Variants in SLC9A8 observed in about 807,000 individuals in gnomAD.
The protein encoded by SLC9A8 is solute carrier family 9 member A8, also known as sodium/hydrogen exchanger 8.
A neutral mutation model predicts 66.6 loss-of-function variants in SLC9A8; 48 were observed. The ratio of observed to expected loss-of-function variants is 0.72; its 90% CI spans 0.57 to 0.92. The LOEUF (loss-of-function observed/expected upper bound fraction) is 0.92. SLC9A8 is among the 40% of genes least tolerant of loss of function. The pLI is 0.00. For synonymous variants in SLC9A8, 274 were observed against 282.6 expected (o/e 0.97, Z 0.31); for missense variants, 599 against 747.3 (o/e 0.80, Z 2.31).
At chr20:49,831,400 ACACTCT>A (rs1179944210) in intron 3 of SLC9A8, among the ~76,000 whole-genome samples, 37 of 139,832 alleles carry the variant, frequency 2.6e-4, no homozygotes, top group Non-Finnish European at 5.0e-4. Context: ...AAACACACAC[ACACTCT>A]CTCTCTCTCT....
At chr20:49,812,982 C>A in intron 1 of SLC9A8, 34 bp downstream of exon 1, 1 of 1,376,760 alleles carries the variant, frequency 7.3e-7, no homozygotes, top group South Asian at 1.6e-5. Context: ...GCGGAGGCGG[C>A]GGGGCTGGGC....
At chr20:49,869,449 C>T (rs2089111750) in intron 10 of SLC9A8, among the ~76,000 whole-genome samples, 1 of 151,690 alleles carries the variant, frequency 6.6e-6, no homozygotes, top group Non-Finnish European at 1.5e-5. Context: ...ATCTTGAACT[C>T]CTGACCTCGT....
chr20:49,866,616 G>C (rs1331592879), intron 10 of SLC9A8, among the ~76,000 whole-genome samples: 1 of 152,106 alleles, frequency 6.6e-6, no homozygotes, highest in African/African-American at 2.4e-5. Flanking sequence ...TTCGCCTTGG[G>C]TTCATTGAGT....
intron 5 of SLC9A8, among the ~76,000 whole-genome samples, chr20:49,846,901 T>A (rs1568832889): frequency 6.6e-6 from 1 of 152,118 alleles, no homozygotes; most frequent in Non-Finnish European, 1.5e-5. Context: ...CCAGCCTGAG[T>A]GATAGAGGGA....
chr20:49,863,138 T>TTTCG, intron 9 of SLC9A8, 71 bp downstream of exon 9: 1 of 1,402,308 alleles, frequency 7.1e-7, no homozygotes, highest in Non-Finnish European at 9.6e-7. Context: ...AGCCAGTTTC[T>TTTCG]CCTGTTTTTT....
intron 2 of SLC9A8, among the ~76,000 whole-genome samples, chr20:49,822,138 G>A (rs898707701): frequency 1.3e-5 from 2 of 152,200 alleles, no homozygotes; most frequent in African/African-American, 2.4e-5. Flanking sequence ...TGGCTCATGG[G>A]AAGTCCTCAG....
intron 1 of SLC9A8, among the ~76,000 whole-genome samples, chr20:49,814,487 G>A (rs1385697302): frequency 1.3e-5 from 2 of 152,164 alleles, no homozygotes; most frequent in East Asian, 1.9e-4. Context: ...GGGTAAATTC[G>A]GGTGTGGTAA....
At position 49,887,919 on chromosome 20, in the gene SLC9A8, G is replaced by A. The variant is rs368727852; in HGVS notation, c.1729G>A (p.Glu577Lys). The part of the protein sequence containing the change: ...RQGPSGSEDD[E>K]QELL ...GGGCCCCTCCGGCTCCGAGGACGAC[G>A]AGCAGGAGCTGCTCTGACGCCAGGT... Residue 577 changes from glutamate to lysine, a missense_variant, in exon 16 of 16, where the codon GAG (glutamate) becomes AAG (lysine). This residue lies in a region of SLC9A8 where 467 missense variants were observed against 626.5 expected (regional missense o/e 0.75). Coordinates refer to ENST00000361573, the MANE Select transcript of SLC9A8 (RefSeq NM_015266.3). The A allele has an allele frequency of 1.9e-6, 3 of 1,613,594 alleles. No homozygotes were observed. Among genetic ancestry groups the A allele is most frequent in the African/African-American group, 1.3e-5 (1 of 75,066 alleles).
At chr20:49,870,910 G>A (rs2089185677) in intron 10 of SLC9A8, among the ~76,000 whole-genome samples, 1 of 152,138 alleles carries the variant, frequency 6.6e-6, no homozygotes, top group Non-Finnish European at 1.5e-5. Context: ...CTGTTGTTCA[G>A]GCTGGTCTCA....
chr20:49,836,636 C>T (rs1450692205), intron 3 of SLC9A8, among the ~76,000 whole-genome samples: 1 of 152,104 alleles, frequency 6.6e-6, no homozygotes, highest in African/African-American at 2.4e-5. Context: ...CTCTTTCCAC[C>T]CTGTGACTGT....
chr20:49,864,223 T>G (rs1190305906), intron 9 of SLC9A8, among the ~76,000 whole-genome samples: 1 of 152,236 alleles, frequency 6.6e-6, no homozygotes, highest in Admixed American at 6.5e-5. Flanking sequence ...TAGGAAATAC[T>G]GTGCTTCAAC....
intron 15 of SLC9A8, 87 bp from the exon 16 acceptor site, chr20:49,887,742 C>A (rs531064245): frequency 9.8e-6 from 10 of 1,019,254 alleles, no homozygotes; most frequent in South Asian, 1.5e-5. Flanking sequence ...TCCCTAGACA[C>A]CCCACACAAA....
chr20:49,819,856 A>G (rs1166441981), intron 2 of SLC9A8, among the ~76,000 whole-genome samples: 1 of 152,212 alleles, frequency 6.6e-6, no homozygotes, highest in Non-Finnish European at 1.5e-5. Context: ...GATTCATGTT[A>G]TAGCATATGT....
rs2089992345 is a variant in SLC9A8 at position 49,889,373 on chromosome 20, G to T, written c.*1437G>T. 6.6e-6 allele frequency: 1 copy of T among 152,232 alleles called. No homozygotes were observed. The highest frequency in any genetic ancestry group is 6.5e-5 in the Admixed American group (1 of 15,278). 9.4% of individuals were successfully genotyped at this position (152,232 alleles called of 1,614,324 possible). A position where few individuals can be genotyped will look rare whatever the true frequency, so the allele number is the denominator to read the frequency against. ...ATCATGTGCATTCCTGCTTCTCTGGGGACACAGTGGGCCCACATGGGCCAG... is the reference window on the plus strand; with the variant it reads ...ATCATGTGCATTCCTGCTTCTCTGGTGACACAGTGGGCCCACATGGGCCAG... On this transcript the variant is annotated 3_prime_UTR_variant, in exon 16 of 16. Coordinates refer to ENST00000361573, the MANE Select transcript of SLC9A8 (RefSeq NM_015266.3).
chr20:49,835,679 CTT>C (rs34461954), intron 3 of SLC9A8, among the ~76,000 whole-genome samples: 11 of 71,966 alleles, frequency 1.5e-4, no homozygotes, highest in Non-Finnish European at 2.2e-4. Flanking sequence ...ACACAATTCA[CTT>C]TTTTTTTTTT....
Position 49,883,968 on chromosome 20 carries a change from G to A in SLC9A8, c.1393G>A (p.Gly465Ser), listed in dbSNP as rs2089725061. 1.2e-6 allele frequency: 2 copies of A among 1,613,202 alleles called. No individual in the cohort carries two copies. The highest frequency in any genetic ancestry group is 1.7e-6 in the Non-Finnish European group (2 of 1,179,936). The stretch of plus-strand genomic sequence containing the variant: ...GCTCTTCACCATCCTGCTGCTGGGC[G>A]GCAGCACCATGCCCCTCATTCGCCT... ...IVLFTILLLG[G>S]STMPLIRLMD... The change falls in exon 14 of 16, where the codon GGC (glycine) becomes AGC (serine). Residue 465 changes from glycine to serine, a missense_variant. Gly to Ser is a moderately conservative substitution (Grantham distance 56, BLOSUM62 0). Transcript: ENST00000361573.
intron 10 of SLC9A8, among the ~76,000 whole-genome samples, chr20:49,867,588 C>T (rs568124): frequency 0.32 from 48,327 of 152,096 alleles, 9,298 homozygotes; most frequent in South Asian, 0.57. Flanking sequence ...TGTCCAAGAG[C>T]TCTCTTTCTG....
chr20:49,853,845 G>T (rs527349971), intron 7 of SLC9A8, among the ~76,000 whole-genome samples: 1 of 152,282 alleles, frequency 6.6e-6, no homozygotes, highest in African/African-American at 2.4e-5. Flanking sequence ...CTGGGTTAAT[G>T]CGCATGAGTC....
At chr20:49,847,225 A>G (rs1346722226) in intron 5 of SLC9A8, among the ~76,000 whole-genome samples, 1 of 152,058 alleles carries the variant, frequency 6.6e-6, no homozygotes, top group African/African-American at 2.4e-5. Context: ...ACAAGGAAAC[A>G]TAAGTTGAAG....
Sources: gnomAD v4.1 joint callset for allele counts (sites outside exome capture counted in the v4.1 genomes callset) on GRCh38, gnomAD v4.1.1 for gene constraint, gnomAD v4.1.1 regional missense constraint, MANE v1.5 for transcripts, NCBI Gene and HGNC (gene_info 2026-07-23, HGNC 2026-07-21) for gene names.